Variants in ERG observed in about 807,000 individuals in gnomAD.
ERG encodes the protein ETS transcription factor ERG.
A neutral mutation model predicts 55.3 loss-of-function variants in ERG; 9 were observed. That is an observed-to-expected ratio of 0.16 (90% CI 0.10 to 0.28). The LOEUF (loss-of-function observed/expected upper bound fraction) is 0.28, where lower values mean the gene tolerates loss of function less well. ERG is among the 10% of genes least tolerant of loss of function. The probability of loss-of-function intolerance (pLI) is 1.00; values close to 1 mark genes in which losing one functional copy is unlikely to be tolerated. For synonymous variants in ERG, 223 were observed against 237.3 expected (o/e 0.94, Z 0.55); for missense variants, 434 against 631.6 (o/e 0.69, Z 3.35).
At chr21:38,659,764 T>G (rs2060540937) in intron 1 of ERG, among the ~76,000 whole-genome samples, 1 of 152,264 alleles carries the variant, frequency 6.6e-6, no homozygotes, top group Non-Finnish European at 1.5e-5. Context: ...TTTATCCATT[T>G]TATTGCGCAG....
chr21:38,464,938 C>T (rs1348149489), intron 1 of ERG, among the ~76,000 whole-genome samples: 1 of 152,104 alleles, frequency 6.6e-6, no homozygotes, highest in African/African-American at 2.4e-5. Context: ...TGTATATGTG[C>T]CACATTTTCT....
chr21:38,645,614 T>C lies in ERG; in HGVS notation c.-150+16044A>G, dbSNP rs1051477317. ...TCACCACTGACTCAAACTAACTCTA[T>C]CTGTAAGATGATTCAAAAGAGACAA... On this transcript the variant is annotated intron_variant, in intron 1 of 10. Coordinates refer to the ERG transcript ENST00000398910. Among the ~76,000 whole-genome samples the C allele has an allele frequency of 7.9e-5, 12 of 152,066 alleles. 1 individual carries two copies. The highest frequency in any genetic ancestry group is 2.9e-4 in the African/African-American group (12 of 41,374).
chr21:38,630,209 G>A (rs765175889), intron 1 of ERG, among the ~76,000 whole-genome samples: 1 of 152,134 alleles, frequency 6.6e-6, no homozygotes. Context: ...TATTGCAAAT[G>A]TGCTCGATAC....
At chr21:38,437,284 G>T (rs559631638) in intron 2 of ERG, among the ~76,000 whole-genome samples, 1 of 151,374 alleles carries the variant, frequency 6.6e-6, no homozygotes, top group Non-Finnish European at 1.5e-5. Context: ...TGCAGCATTT[G>T]TCAACTTCGA....
chr21:38,404,765 C>T (rs1988682032), intron 3 of ERG, among the ~76,000 whole-genome samples: 1 of 152,150 alleles, frequency 6.6e-6, no homozygotes, highest in South Asian at 2.1e-4. Flanking sequence ...TCAGGCATGC[C>T]AGGATGTTCC....
At chr21:38,468,439 A>G (rs2146614271) in intron 1 of ERG, among the ~76,000 whole-genome samples, 1 of 152,354 alleles carries the variant, frequency 6.6e-6, no homozygotes, top group East Asian at 1.9e-4. Flanking sequence ...AAAGCTTTTC[A>G]AATTTCCCAT....
the ERG span, among the ~76,000 whole-genome samples, chr21:38,373,746 C>T: frequency 6.6e-6 from 1 of 152,128 alleles, no homozygotes; most frequent in Non-Finnish European, 1.5e-5. Context: ...TTTTTGTATT[C>T]CTTGGGCCTA....
chr21:38,488,540 T>C (rs1010999662), intron 1 of ERG, among the ~76,000 whole-genome samples: 1 of 152,188 alleles, frequency 6.6e-6, no homozygotes, highest in Non-Finnish European at 1.5e-5. Flanking sequence ...GTGGTTTTAT[T>C]TGCTTCGGTT....
At chr21:38,413,109 C>A (rs1989133505) in intron 3 of ERG, among the ~76,000 whole-genome samples, 1 of 152,166 alleles carries the variant, frequency 6.6e-6, no homozygotes, top group Admixed American at 6.6e-5. Flanking sequence ...CCTAGTTGAC[C>A]TTTAAAACCC....
At chr21:38,417,342 G>C (rs1313604203) in intron 3 of ERG, among the ~76,000 whole-genome samples, 1 of 152,212 alleles carries the variant, frequency 6.6e-6, no homozygotes, top group Non-Finnish European at 1.5e-5. Flanking sequence ...AATGAAGAAA[G>C]TGAAGAGATA....
Position 38,380,402 on chromosome 21 carries a change from C to A in ERG, c.*3001G>T. 9 of 1,062,438 alleles carry A rather than the reference C, an allele frequency of 8.5e-6. No individual in the cohort carries two copies. The highest frequency in any genetic ancestry group is 9.1e-6 in the Non-Finnish European group (8 of 877,524). 65.8% of individuals were successfully genotyped at this position (1,062,438 alleles called of 1,614,324 possible). A position where few individuals can be genotyped will look rare whatever the true frequency, so the allele number is the denominator to read the frequency against. On this transcript the variant is annotated 3_prime_UTR_variant, in exon 10 of 10. Coordinates refer to ENST00000288319, the MANE Select transcript of ERG (RefSeq NM_182918.4). ...CCCTCCGGGACATAAGGGCATCAAA[C>A]TAGGAACAAAAACACAGTCTTGACT...
chr21:38,417,823 A>T (rs1298419366), intron 3 of ERG, among the ~76,000 whole-genome samples: 2 of 152,102 alleles, frequency 1.3e-5, no homozygotes, highest in African/African-American at 4.8e-5. Context: ...AATAATAAAA[A>T]AACAGAAAAA....
intron 2 of ERG, among the ~76,000 whole-genome samples, chr21:38,574,615 A>G (rs1318753236): frequency 6.6e-6 from 1 of 152,264 alleles, no homozygotes; most frequent in African/African-American, 2.4e-5. Context: ...AAATGTGTGT[A>G]CGTCCATGTG....
chr21:38,659,652 G>C (rs2060540146), intron 1 of ERG, among the ~76,000 whole-genome samples: 1 of 152,264 alleles, frequency 6.6e-6, no homozygotes, highest in Non-Finnish European at 1.5e-5. Flanking sequence ...CATGTACAGA[G>C]TGAAACCTGT....
At chr21:38,445,282 C>A (rs1038836552) in intron 2 of ERG, 122 bp downstream of exon 2, 8 of 738,660 alleles carry the variant, frequency 1.1e-5, no homozygotes, top group East Asian at 2.7e-5. Flanking sequence ...GCTGGGATTA[C>A]AGGCACAGTG....
intron 1 of ERG, among the ~76,000 whole-genome samples, chr21:38,605,662 G>C (rs1288948791): frequency 6.6e-6 from 1 of 152,076 alleles, no homozygotes; most frequent in African/African-American, 2.4e-5. Flanking sequence ...GCCCAAGCAG[G>C]GACAAAGGAC....
At chr21:38,584,748 T>A (rs1291137203) in intron 1 of ERG, 1 of 152,104 alleles carries the variant, frequency 6.6e-6, no homozygotes, top group Non-Finnish European at 1.5e-5. Context: ...ACCATGAAAA[T>A]CAAATAGGAA....
At chr21:38,449,315 A>G (rs2058920128) in intron 1 of ERG, among the ~76,000 whole-genome samples, 1 of 152,232 alleles carries the variant, frequency 6.6e-6, no homozygotes, top group Non-Finnish European at 1.5e-5. Flanking sequence ...ATGGCAGGCT[A>G]CCAAGCTCAT....
intron 2 of ERG, among the ~76,000 whole-genome samples, chr21:38,514,579 G>GAAGTTTATAA (rs1033434223): frequency 6.6e-6 from 1 of 151,808 alleles, no homozygotes; most frequent in African/African-American, 2.4e-5. Context: ...AAATAAAGAG[G>GAAGTTTATAA]AAGTTTATAA....
Sources: gnomAD v4.1 joint callset for allele counts (sites outside exome capture counted in the v4.1 genomes callset) on GRCh38, gnomAD v4.1.1 for gene constraint, MANE v1.5 for transcripts, NCBI Gene and HGNC (gene_info 2026-07-23, HGNC 2026-07-21) for gene names.